ATG7: variants seen among roughly 807,000 people sequenced by gnomAD.
ATG7 encodes the protein autophagy related 7.
A neutral mutation model predicts 82.4 loss-of-function variants in ATG7; 70 were observed. The observed-to-expected ratio is 0.85, with a 90% CI of 0.70 to 1.04. ATG7 has a LOEUF of 1.04. ATG7 is among the 50% of genes least tolerant of loss of function. ATG7 has a pLI of 0.00. For synonymous variants in ATG7, 287 were observed against 313.0 expected (o/e 0.92, Z 0.88); for missense variants, 792 against 864.3 (o/e 0.92, Z 1.05).
chr3:11,359,809 G>A (rs1417924438), intron 15 of ATG7, among the ~76,000 whole-genome samples: 8 of 152,002 alleles, frequency 5.3e-5, no homozygotes, highest in Admixed American at 5.2e-4. Context: ...TCTATGTGAA[G>A]GGTGAATTAT....
rs1402495324 is a variant in ATG7, at chr3:11,556,682, TATC to T, written c.*1842_*1844del. On this transcript the variant is annotated 3_prime_UTR_variant, in exon 21 of 21. Coordinates refer to ENST00000693202, the MANE Select transcript of ATG7 (RefSeq NM_001349232.2). ...GAAAGGGAAAAATTAAATAGCTACA[TATC>T]ATTAACAAATTAATGTTCTTCAAAA... is the stretch of plus-strand genomic sequence containing the variant. 1.3e-5 allele frequency: 2 copies of T among 152,770 alleles called. No homozygotes were observed. The highest frequency in any genetic ancestry group is 1.5e-5 in the Non-Finnish European group (1 of 68,050). 9.5% of individuals were successfully genotyped at this position (152,770 alleles called of 1,614,324 possible). A position where few individuals can be genotyped will look rare whatever the true frequency, so the allele number is the denominator to read the frequency against.
chr3:11,334,606 C>A (rs6772675), intron 11 of ATG7, among the ~76,000 whole-genome samples: 1 of 151,430 alleles, frequency 6.6e-6, no homozygotes, highest in South Asian at 2.1e-4. Flanking sequence ...CATTTCTTTC[C>A]TTATGCCATA....
chr3:11,485,106 G>A (rs1192757406), intron 20 of ATG7, among the ~76,000 whole-genome samples: 1 of 152,174 alleles, frequency 6.6e-6, no homozygotes, highest in African/African-American at 2.4e-5. Context: ...CTAGGTCCCT[G>A]AGGAATCACC....
chr3:11,537,321 A>G (rs1456251514), intron 20 of ATG7, among the ~76,000 whole-genome samples: 2 of 151,388 alleles, frequency 1.3e-5, no homozygotes, highest in Admixed American at 6.6e-5. Context: ...TTTTTTTCCT[A>G]TATTTTGTAG....
At chr3:11,403,756 G>A (rs1448993632) in intron 19 of ATG7, among the ~76,000 whole-genome samples, 2 of 152,102 alleles carry the variant, frequency 1.3e-5, no homozygotes, top group African/African-American at 4.8e-5. Context: ...GTCGAAGTAT[G>A]AATATCACAA....
intron 20 of ATG7, among the ~76,000 whole-genome samples, chr3:11,430,355 G>A (rs1444057577): frequency 6.6e-6 from 1 of 152,050 alleles, no homozygotes. Context: ...ACGTATATCT[G>A]TGTAAAAGTA....
chr3:11,393,744 G>C (rs943815432), intron 19 of ATG7, among the ~76,000 whole-genome samples: 1 of 151,878 alleles, frequency 6.6e-6, no homozygotes, highest in Non-Finnish European at 1.5e-5. Flanking sequence ...GCAGAGGTGC[G>C]ATCTTGGCTC....
At chr3:11,574,992 G>A in the ATG7 span, among the ~76,000 whole-genome samples, 1 of 151,838 alleles carries the variant, frequency 6.6e-6, no homozygotes, top group Non-Finnish European at 1.5e-5. Context: ...TGGGGAGGAT[G>A]AAAGAATAAA....
chr3:11,574,609 C>A, the ATG7 span, among the ~76,000 whole-genome samples: 2 of 152,122 alleles, frequency 1.3e-5, no homozygotes, highest in East Asian at 1.9e-4. Flanking sequence ...CTGCAGTTAA[C>A]AATAATACAC....
rs1052196209 is a variant in ATG7 at position 11,328,903 on chromosome 3, A to G, written c.679-2437A>G. On this transcript the variant is annotated intron_variant, in intron 9 of 20. Transcript: ENST00000693202. ...GGCGTTCGAGACCAACCTGGCCAACATGGCGTAACCCCGTCTCTACTGAAA... is the reference window on the plus strand; with the variant it reads ...GGCGTTCGAGACCAACCTGGCCAACGTGGCGTAACCCCGTCTCTACTGAAA... Among the ~76,000 whole-genome samples the G allele has an allele frequency of 2.6e-5, 4 of 152,232 alleles. No individual in the cohort carries two copies. In the East Asian group the frequency reaches 5.8e-4, roughly 22 times the overall value.
rs763217607 is a variant in ATG7, at chr3:11,307,019, A to T, written c.292A>T (p.Thr98Ser). ...CACCAACACACTCGAGTCTTTCAAG[A>T]CTGCAGATAAGAAGCTCCTTTTGGA... ...YNTNTLESFK[T>S]ADKKLLLEQA... Residue 98 changes from threonine to serine, a missense_variant, in exon 6 of 21, where the codon ACT becomes TCT. By Grantham distance (58) the Thr-to-Ser change is moderately conservative. Coordinates refer to ENST00000693202, the MANE Select transcript of ATG7 (RefSeq NM_001349232.2). The T allele has an allele frequency of 6.2e-7, 1 of 1,613,992 alleles. No homozygotes were observed. Among genetic ancestry groups the T allele is most frequent in the South Asian group, 1.1e-5 (1 of 91,076 alleles).
rs540513632 is a variant in ATG7 at position 11,488,566 on chromosome 3, C to T, written c.2079+61640C>T. ...GCGCAGCGGCGCCAACCACCACCCG[C>T]GGCCACCATGGCCGGACGGGCTCCC... On this transcript the variant is annotated intron_variant, in intron 20 of 20. Coordinates refer to ENST00000693202, the MANE Select transcript of ATG7 (RefSeq NM_001349232.2). 2,474 of 845,190 alleles carry T rather than the reference C, an allele frequency of 2.9e-3. 54 individuals are homozygous for T. In the African/African-American group the frequency reaches 0.038, roughly 13 times the overall value. The allele number at this position is 845,190 out of a possible 1,614,324, so 52.4% of individuals were successfully genotyped here.
intron 10 of ATG7, among the ~76,000 whole-genome samples, chr3:11,332,015 A>G (rs763170644): frequency 2.0e-5 from 3 of 152,256 alleles, no homozygotes; most frequent in Admixed American, 6.5e-5. Context: ...TGGCTCAGCA[A>G]TGTTACTCTC....
intron 9 of ATG7, among the ~76,000 whole-genome samples, chr3:11,325,324 A>T (rs1043402053): frequency 3.3e-5 from 5 of 152,170 alleles, no homozygotes; most frequent in African/African-American, 1.2e-4. Context: ...TTTTGTTGTT[A>T]CTATTTGTTA....
rs1395349375 is a variant in ATG7, at chr3:11,422,091, T to C, written c.1957-4713T>C. On this transcript the variant is annotated intron_variant, in intron 19 of 20. Coordinates refer to ENST00000693202, the MANE Select transcript of ATG7 (RefSeq NM_001349232.2). ...GATTTAGCATAATTTTTAAGGGCCC[T>C]AGGATTTTTAGAATGGTCAGTAAGC... Among the ~76,000 whole-genome samples, 3 of 152,292 alleles carry C rather than the reference T, an allele frequency of 2.0e-5. No homozygotes were observed. In the East Asian group the frequency reaches 5.8e-4, roughly 29 times the overall value.
chr3:11,420,449 T>C (rs2081834759), intron 19 of ATG7, among the ~76,000 whole-genome samples: 1 of 152,204 alleles, frequency 6.6e-6, no homozygotes, highest in Admixed American at 6.5e-5. Flanking sequence ...AATGTTTAAC[T>C]GGAGTCTAAC....
chr3:11,339,639 G>C (rs958962319), intron 11 of ATG7, among the ~76,000 whole-genome samples: 28 of 152,218 alleles, frequency 1.8e-4, no homozygotes, highest in African/African-American at 6.8e-4. Context: ...ATTAACATGA[G>C]AAGGTAGCAG....
intron 9 of ATG7, among the ~76,000 whole-genome samples, chr3:11,327,302 A>G (rs935943662): frequency 1.3e-5 from 2 of 152,238 alleles, no homozygotes; most frequent in East Asian, 1.9e-4. Context: ...TAATTTTTCT[A>G]CAGTCAGGAA....
chr3:11,437,914 T>C (rs1467606549), intron 20 of ATG7, among the ~76,000 whole-genome samples: 1 of 152,208 alleles, frequency 6.6e-6, no homozygotes, highest in Non-Finnish European at 1.5e-5. Flanking sequence ...TAATACCACC[T>C]AAAATCCAGT....
Sources: allele counts gnomAD v4.1 joint callset (sites outside exome capture counted in the v4.1 genomes callset), GRCh38; gene constraint gnomAD v4.1.1; transcripts MANE v1.5; gene names NCBI Gene and HGNC (gene_info 2026-07-23, HGNC 2026-07-21).